The following LDLRAD4 variants were observed in gnomAD, a reference collection of about 807,000 sequenced individuals.
The protein encoded by LDLRAD4 is low-density lipoprotein receptor class A domain-containing protein 4.
In LDLRAD4, 5 loss-of-function variants were observed where a neutral mutation model predicts 17.0. The observed-to-expected ratio is 0.29, with a 90% CI of 0.15 to 0.62. LDLRAD4 has a LOEUF of 0.62. LDLRAD4 is among the 20% of genes least tolerant of loss of function. LDLRAD4 has a pLI of 0.84. For synonymous variants in LDLRAD4, 168 were observed against 171.8 expected (o/e 0.98, Z 0.17); for missense variants, 340 against 424.7 (o/e 0.80, Z 1.75).
chr18:13,245,061 C>T (rs2042888602), intron 1 of LDLRAD4, among the ~76,000 whole-genome samples: 1 of 152,120 alleles, frequency 6.6e-6, no homozygotes, highest in African/African-American at 2.4e-5. Context: ...ACTGCACCCT[C>T]TGTTTGGTGG....
At chr18:13,576,701 C>T (rs2094778259) in intron 3 of LDLRAD4, among the ~76,000 whole-genome samples, 2 of 152,186 alleles carry the variant, frequency 1.3e-5, no homozygotes, top group African/African-American at 4.8e-5. Flanking sequence ...TCTCTGAGCT[C>T]AGAACCTTCA....
At chr18:13,445,121 G>C (rs560957364) in intron 3 of LDLRAD4, among the ~76,000 whole-genome samples, 1 of 152,326 alleles carries the variant, frequency 6.6e-6, no homozygotes, top group South Asian at 2.1e-4. Flanking sequence ...GCCCTGGAGG[G>C]ACAGACCTTT....
chr18:13,223,341 T>C (rs956038732), intron 1 of LDLRAD4, among the ~76,000 whole-genome samples: 12 of 152,224 alleles, frequency 7.9e-5, no homozygotes, highest in Non-Finnish European at 1.6e-4. Context: ...TGGCTAGCCA[T>C]CCTCCATGCC....
At chr18:13,582,087 CATCT>C (rs1453415430) in intron 3 of LDLRAD4, among the ~76,000 whole-genome samples, 1 of 152,138 alleles carries the variant, frequency 6.6e-6, no homozygotes. Context: ...AGCTCTCATG[CATCT>C]GTAATCAAGT....
chr18:13,648,949 G>GTAT (rs1440193431), exon 6 of LDLRAD4: 1 of 152,132 alleles, frequency 6.6e-6, no homozygotes, highest in African/African-American at 2.4e-5. Context: ...AGCAAATTAT[G>GTAT]TATTTCAATA....
Position 13,401,968 on chromosome 18 carries a change from C to T in LDLRAD4, c.40+14206C>T, listed in dbSNP as rs1359107888. 2.0e-5 allele frequency among the ~76,000 whole-genome samples: 3 copies of T among 152,158 alleles called. No individual in the cohort carries two copies. In the East Asian group the frequency reaches 5.8e-4, roughly 29 times the overall value. On this transcript the variant is annotated intron_variant, in intron 2 of 5. Transcript: ENST00000359446. ...TTCACAGTTTCCAACGGTGGTTCCT[C>T]CTTATCCGGGACGATGGCAGGATGA...
chr18:13,447,433 G>GTA, intron 3 of LDLRAD4, among the ~76,000 whole-genome samples: 1 of 152,206 alleles, frequency 6.6e-6, no homozygotes, highest in Middle Eastern at 3.4e-3. Flanking sequence ...GTCTTAAATG[G>GTA]TAATTCTGCC....
chr18:13,440,205 GCTC>G lies in LDLRAD4; in HGVS notation c.181+1827_181+1829del, dbSNP rs2146199861. 6.6e-6 allele frequency among the ~76,000 whole-genome samples: 1 copy of G among 152,282 alleles called. No homozygotes were observed. Among genetic ancestry groups the G allele is most frequent in the East Asian group, 1.9e-4 (1 of 5,186 alleles). On this transcript the variant is annotated intron_variant, in intron 3 of 5. Transcript: ENST00000359446. This position sits in a 1 kb window ranked among gnomAD's most constrained non-coding sequence, Gnocchi z 4.4. Reference sequence around the variant, plus strand: ...TCCACAGGCCTCTTCTGGTCTGCGGGCTCCTCCTTTACTTCAGGGCCCTTTTGC... The same window carrying G: ...TCCACAGGCCTCTTCTGGTCTGCGGGCTCCTTTACTTCAGGGCCCTTTTGC...
intron 1 of LDLRAD4, among the ~76,000 whole-genome samples, chr18:13,255,746 G>A (rs2043469027): frequency 6.6e-6 from 1 of 152,150 alleles, no homozygotes; most frequent in East Asian, 1.9e-4. Context: ...CCAGGCCAGG[G>A]CTGTGGGGTG....
chr18:13,398,688 T>C lies in LDLRAD4; in HGVS notation c.40+10926T>C, dbSNP rs1276429965. On this transcript the variant is annotated intron_variant, in intron 2 of 5. Transcript: ENST00000359446. The surrounding 1 kb of genome is among the most constrained non-coding windows in gnomAD (Gnocchi z 4.8). ...TGCTCTGTTGATGTGGGTTTGGCGC[T>C]CACAGAGAGGATAGGCAGTGTGCTG... Among the ~76,000 whole-genome samples the C allele has an allele frequency of 6.6e-6, 1 of 152,048 alleles. No homozygotes were observed. The highest frequency in any genetic ancestry group is 1.5e-5 in the Non-Finnish European group (1 of 67,986).
At chr18:13,450,042 C>T (rs2091699104) in intron 3 of LDLRAD4, among the ~76,000 whole-genome samples, 1 of 152,184 alleles carries the variant, frequency 6.6e-6, no homozygotes, top group African/African-American at 2.4e-5. Flanking sequence ...TTCGCTCTTC[C>T]ATTTGCATAG....
chr18:13,259,330 A>G (rs1281117521), intron 1 of LDLRAD4, among the ~76,000 whole-genome samples: 1 of 151,918 alleles, frequency 6.6e-6, no homozygotes, highest in African/African-American at 2.4e-5. Context: ...ACACACCACC[A>G]TGCCTGGCTA....
At position 13,419,656 on chromosome 18, in the gene LDLRAD4, C is replaced by T. The variant is rs140536950; in HGVS notation, c.41-18588C>T. On this transcript the variant is annotated intron_variant, in intron 2 of 5. Transcript: ENST00000359446. ...AGATCACACAGGTAATAAGTAGTTG[C>T]ACCAGGATTCAAACCCGGCAGTCTT... 2.2e-4 allele frequency: 34 copies of T among 152,310 alleles called. No individual in the cohort carries two copies. In the East Asian group the frequency reaches 5.8e-3, roughly 26 times the overall value. The allele number at this position is 152,310 out of a possible 1,614,324, so 9.4% of individuals were successfully genotyped here.
intron 3 of LDLRAD4, among the ~76,000 whole-genome samples, chr18:13,594,065 CAT>C (rs1491058956): frequency 2.0e-5 from 3 of 152,278 alleles, no homozygotes; most frequent in Middle Eastern, 3.4e-3. Flanking sequence ...CACACACACA[CAT>C]GCAACTGCAT....
intron 1 of LDLRAD4, among the ~76,000 whole-genome samples, chr18:13,353,333 G>A (rs1408359254): frequency 6.6e-6 from 1 of 152,214 alleles, no homozygotes; most frequent in Admixed American, 6.5e-5. Flanking sequence ...CACTGTGAAG[G>A]CTTAAGGCCT....
intron 3 of LDLRAD4, among the ~76,000 whole-genome samples, chr18:13,509,025 A>G (rs936261253): frequency 2.0e-5 from 3 of 152,232 alleles, no homozygotes; most frequent in African/African-American, 7.2e-5. Context: ...AGCATCGGCC[A>G]GGCACAGTGG....
chr18:13,646,559 T>C (rs1282008840), exon 6 of LDLRAD4: 1 of 152,480 alleles, frequency 6.6e-6, no homozygotes. Flanking sequence ...CTGCTACTCT[T>C]AGGCTGCATA....
upstream of LDLRAD4, among the ~76,000 whole-genome samples, chr18:13,274,209 G>C (rs1242957758): frequency 6.6e-6 from 1 of 152,170 alleles, no homozygotes; most frequent in East Asian, 1.9e-4. Flanking sequence ...TTGATGTTGA[G>C]TTGTGTTTGG....
At chr18:13,366,195 T>A (rs2084045628) in intron 1 of LDLRAD4, 1 of 152,230 alleles carries the variant, frequency 6.6e-6, no homozygotes. Flanking sequence ...TGCCTTGGCC[T>A]CCCAAAGCCC....
Sources: gnomAD v4.1 joint callset for allele counts (sites outside exome capture counted in the v4.1 genomes callset) on GRCh38, gnomAD v4.1.1 for gene constraint, Gnocchi (gnomAD v3.1) non-coding constraint, MANE v1.5 for transcripts, NCBI Gene and HGNC (gene_info 2026-07-23, HGNC 2026-07-21) for gene names.